The following ZFAT variants were observed in gnomAD, a reference collection of about 807,000 sequenced individuals.
ZFAT encodes zinc finger and AT-hook domain containing.
A neutral mutation model predicts 117.7 loss-of-function variants in ZFAT; 64 were observed. The ratio of observed to expected loss-of-function variants is 0.54; its 90% CI spans 0.44 to 0.67. The LOEUF is 0.67. Ranked by LOEUF, ZFAT falls within the 30% of genes least tolerant of loss-of-function variation. The pLI is 0.00. For synonymous variants in ZFAT, 679 were observed against 615.0 expected (o/e 1.10, Z -1.54); for missense variants, 1,433 against 1,584.5 (o/e 0.90, Z 1.62).
the ZFAT span, among the ~76,000 whole-genome samples, chr8:134,759,970 C>CAAAAAAAAAAAAAA: frequency 1.9e-5 from 1 of 53,180 alleles, no homozygotes; most frequent in Non-Finnish European, 3.3e-5. Context: ...GACTCCGTCT[C>CAAAAAAAAAAAAAA]AAAAAAAAAA....
At chr8:134,627,025 G>A (rs1829563498) in intron 3 of ZFAT, among the ~76,000 whole-genome samples, 1 of 152,162 alleles carries the variant, frequency 6.6e-6, no homozygotes, top group African/African-American at 2.4e-5. Flanking sequence ...CTGCACAAAA[G>A]AATCCATAAG....
intron 3 of ZFAT, among the ~76,000 whole-genome samples, chr8:134,618,871 A>G (rs1369424073): frequency 6.6e-6 from 1 of 152,228 alleles, no homozygotes; most frequent in Non-Finnish European, 1.5e-5. Context: ...GTAATACCTT[A>G]GTGTACAAAA....
chr8:134,656,646 C>A (rs558266065), intron 2 of ZFAT, among the ~76,000 whole-genome samples: 1 of 152,250 alleles, frequency 6.6e-6, no homozygotes, highest in Admixed American at 6.5e-5. Context: ...GAATAGCCAG[C>A]CTATTTAGAA....
At chr8:134,754,252 G>C in the ZFAT span, among the ~76,000 whole-genome samples, 1 of 152,194 alleles carries the variant, frequency 6.6e-6, no homozygotes, top group East Asian at 1.9e-4. Context: ...GATGATGCCC[G>C]AGCAGAACTA....
intron 15 of ZFAT, among the ~76,000 whole-genome samples, chr8:134,483,506 G>A (rs544616275): frequency 5.9e-5 from 9 of 152,066 alleles, no homozygotes; most frequent in South Asian, 2.1e-4. Flanking sequence ...CACTCTCTTT[G>A]TTCAAAATAA....
At chr8:134,761,404 G>A in the ZFAT span, among the ~76,000 whole-genome samples, 1 of 151,822 alleles carries the variant, frequency 6.6e-6, no homozygotes, top group African/African-American at 2.4e-5. Flanking sequence ...GATTTTCTGT[G>A]CAATAAATCA....
intron 1 of ZFAT, among the ~76,000 whole-genome samples, chr8:134,702,918 G>C (rs577533469): frequency 3.9e-5 from 6 of 152,072 alleles, no homozygotes. Context: ...TGATCTGCCG[G>C]CCTCGGCCTC....
intron 1 of ZFAT, among the ~76,000 whole-genome samples, chr8:134,705,377 GTT>G (rs61505145): frequency 7.3e-6 from 1 of 137,404 alleles, no homozygotes; most frequent in Non-Finnish European, 1.5e-5. Context: ...GTTTTTTTTT[GTT>G]TTTTTTTTTT....
intron 1 of ZFAT, among the ~76,000 whole-genome samples, chr8:134,706,203 G>A (rs1834147886): frequency 6.6e-6 from 1 of 152,152 alleles, no homozygotes; most frequent in Non-Finnish European, 1.5e-5. Flanking sequence ...TCCACAAAAA[G>A]GCTTGTACGG....
the ZFAT span, among the ~76,000 whole-genome samples, chr8:134,806,524 G>A: frequency 6.6e-6 from 1 of 152,184 alleles, no homozygotes; most frequent in Non-Finnish European, 1.5e-5. Flanking sequence ...GCCTAGGTAG[G>A]CACATGATAC....
the ZFAT span, among the ~76,000 whole-genome samples, chr8:134,729,213 C>T: frequency 6.6e-6 from 1 of 152,232 alleles, no homozygotes; most frequent in Non-Finnish European, 1.5e-5. Flanking sequence ...CTTAACACTA[C>T]AATTTACTTT....
chr8:134,637,628 A>G lies in ZFAT; in HGVS notation c.281T>C (p.Ile94Thr). The change falls in exon 3 of 16, where the codon ATC becomes ACC. Residue 94 changes from isoleucine (I) to threonine (T), a missense_variant. Transcript: ENST00000377838. ...SSTEEELAENIVSPTEDSPLA... is the reference protein window; with the variant it reads ...SSTEEELAENTVSPTEDSPLA... ...CGGGCTGTCCTCAGTCGGACTCACGATGTTTTCTGCCAGCTCCTCTTCTGT... is the reference window on the plus strand; with the variant it reads ...CGGGCTGTCCTCAGTCGGACTCACGGTGTTTTCTGCCAGCTCCTCTTCTGT... The G allele has an allele frequency of 6.2e-7, 1 of 1,614,112 alleles. No homozygotes were observed. Among genetic ancestry groups the G allele is most frequent in the Non-Finnish European group, 8.5e-7 (1 of 1,180,030 alleles).
Position 134,583,985 on chromosome 8 carries a change from A to C in ZFAT, c.2734T>G (p.Ser912Ala). Residue 912 changes from serine (S) to alanine (A), a missense_variant, in exon 10 of 16, where the codon TCT (serine) becomes GCT (alanine). Coordinates refer to ENST00000377838, the MANE Select transcript of ZFAT (RefSeq NM_020863.4). Reference protein sequence around the residue: ...AHEGVKPFKCSLCEYATRSKS... With the variant: ...AHEGVKPFKCALCEYATRSKS... The stretch of plus-strand genomic sequence containing the variant: ...CTACGAGTTGCATACTCACACAAAG[A>C]ACACTTGAAGGGCTTCACACCTGCC... The C allele has an allele frequency of 6.4e-7, 1 of 1,558,594 alleles. No homozygotes were observed. The highest frequency in any genetic ancestry group is 8.7e-7 in the Non-Finnish European group (1 of 1,150,142).
intron 1 of ZFAT, chr8:134,696,588 T>C (rs1833854657): frequency 6.1e-6 from 6 of 986,368 alleles, no homozygotes; most frequent in Non-Finnish European, 7.2e-6. Flanking sequence ...TAGTTATCCC[T>C]GGCTGGCACC....
chr8:134,548,408 G>C (rs894653613), intron 11 of ZFAT, among the ~76,000 whole-genome samples: 2 of 152,182 alleles, frequency 1.3e-5, no homozygotes, highest in Non-Finnish European at 2.9e-5. Context: ...CGGAGATGGA[G>C]TGGGACACGC....
At chr8:134,735,570 G>A in the ZFAT span, among the ~76,000 whole-genome samples, 9 of 152,314 alleles carry the variant, frequency 5.9e-5, no homozygotes, top group East Asian at 1.7e-3. Flanking sequence ...AAGTAGGTGT[G>A]TGTGTTTTCA....
At chr8:134,545,424 G>A (rs1017642994) in intron 11 of ZFAT, among the ~76,000 whole-genome samples, 1 of 152,092 alleles carries the variant, frequency 6.6e-6, no homozygotes, top group Non-Finnish European at 1.5e-5. Context: ...AGGAGCCAAG[G>A]TGAGAGGATC....
intron 7 of ZFAT, chr8:134,599,926 T>C (rs1586787408): frequency 2.5e-6 from 1 of 395,546 alleles, no homozygotes; most frequent in East Asian, 7.1e-5. Flanking sequence ...TTTTTTAAAA[T>C]AAACGTGCTT....
chr8:134,585,044 C>A (rs1428956512), intron 9 of ZFAT, among the ~76,000 whole-genome samples: 1 of 152,164 alleles, frequency 6.6e-6, no homozygotes, highest in East Asian at 1.9e-4. Flanking sequence ...AATAATCTAA[C>A]CATAAGTGTC....
Sources: gnomAD v4.1 joint callset for allele counts (sites outside exome capture counted in the v4.1 genomes callset) on GRCh38, gnomAD v4.1.1 for gene constraint, MANE v1.5 for transcripts, NCBI Gene and HGNC (gene_info 2026-07-23, HGNC 2026-07-21) for gene names.